Variants in RGL1 observed in about 807,000 individuals in gnomAD.
RGL1 encodes ral guanine nucleotide dissociation stimulator-like 1.
A neutral mutation model predicts 95.2 loss-of-function variants in RGL1; 24 were observed. The ratio of observed to expected loss-of-function variants is 0.25; its 90% CI spans 0.18 to 0.35. The LOEUF (loss-of-function observed/expected upper bound fraction) is 0.35, where lower values mean the gene tolerates loss of function less well. Ranked by LOEUF, RGL1 falls within the 10% of genes least tolerant of loss-of-function variation. The pLI is 1.00. For synonymous variants in RGL1, 329 were observed against 344.9 expected (o/e 0.95, Z 0.51); for missense variants, 715 against 936.3 (o/e 0.76, Z 3.08).
At chr1:183,809,005 C>T (rs529803169) in intron 2 of RGL1, among the ~76,000 whole-genome samples, 1 of 152,256 alleles carries the variant, frequency 6.6e-6, no homozygotes, top group Admixed American at 6.5e-5. Flanking sequence ...ATGTAACTTT[C>T]TTTTCTTCAT....
intron 2 of RGL1, among the ~76,000 whole-genome samples, chr1:183,799,919 G>C (rs1042342137): frequency 6.6e-6 from 1 of 152,176 alleles, no homozygotes; most frequent in African/African-American, 2.4e-5. Context: ...AGAGAGAGGA[G>C]ATACATTTTT....
intron 4 of RGL1, among the ~76,000 whole-genome samples, chr1:183,876,971 A>G (rs1341657175): frequency 1.3e-5 from 2 of 152,212 alleles, no homozygotes; most frequent in African/African-American, 2.4e-5. Flanking sequence ...AGGTATCTCA[A>G]AATGTCCTTA....
chr1:183,654,464 A>T (rs1023881901), intron 1 of RGL1, among the ~76,000 whole-genome samples: 3 of 152,228 alleles, frequency 2.0e-5, no homozygotes, highest in African/African-American at 7.2e-5. Flanking sequence ...ACATTACTTT[A>T]AAAATATTAC....
intron 2 of RGL1, among the ~76,000 whole-genome samples, chr1:183,831,527 G>A (rs1452811435): frequency 6.6e-6 from 1 of 152,136 alleles, no homozygotes; most frequent in African/African-American, 2.4e-5. Context: ...AGATCACCAT[G>A]GATGCCATAA....
intron 1 of RGL1, among the ~76,000 whole-genome samples, chr1:183,726,202 CTA>C (rs998082255): frequency 6.6e-6 from 1 of 151,874 alleles, no homozygotes; most frequent in Admixed American, 6.6e-5. Context: ...GAAGAAAACT[CTA>C]TAAGCAACAG....
chr1:183,685,688 T>C lies in RGL1; in HGVS notation c.-33+49187T>C, dbSNP rs549850135. ...TCTATAACATAATAAGGTAAGCAGCTATAGATAAGTCAAAGCATGGCAAGT... is the reference window on the plus strand; with the variant it reads ...TCTATAACATAATAAGGTAAGCAGCCATAGATAAGTCAAAGCATGGCAAGT... On this transcript the variant is annotated intron_variant, in intron 1 of 18. Transcript: ENST00000304685. 1.5e-4 allele frequency among the ~76,000 whole-genome samples: 23 copies of C among 152,318 alleles called. No homozygotes were observed. The South Asian group carries it at 4.6e-3, about 30-fold the overall frequency.
At chr1:183,748,676 G>A (rs1657806307) in intron 2 of RGL1, among the ~76,000 whole-genome samples, 1 of 152,042 alleles carries the variant, frequency 6.6e-6, no homozygotes, top group Admixed American at 6.6e-5. Flanking sequence ...AAAGTGCTGG[G>A]ATTACAGGCG....
At chr1:183,906,866 A>G (rs902268397) in intron 13 of RGL1, 146 bp from the exon 14 acceptor site, 49 of 629,802 alleles carry the variant, frequency 7.8e-5, no homozygotes, top group Middle Eastern at 5.0e-4. Flanking sequence ...GTACCCCCTG[A>G]CGTTTATGAT....
In RGL1 at chr1:183,721,356, C is replaced by T. The variant is rs149498547; in HGVS notation, c.-32-20770C>T. 3.1e-3 allele frequency among the ~76,000 whole-genome samples: 468 copies of T among 152,294 alleles called. 4 individuals are homozygous for T. Among genetic ancestry groups the T allele is most frequent in the African/African-American group, 0.01 (425 of 41,572 alleles). ...CGTCTAACTCTTATTTTCATTTCCA[C>T]TGCCATTGTTCCACTCCCACTGCCT... On this transcript the variant is annotated intron_variant, in intron 1 of 18. Coordinates refer to the RGL1 transcript ENST00000304685.
chr1:183,921,382 C>T (rs1200957221), intron 16 of RGL1, among the ~76,000 whole-genome samples: 2 of 152,204 alleles, frequency 1.3e-5, no homozygotes, highest in East Asian at 3.9e-4. Flanking sequence ...TGCCAGATTC[C>T]CTGTGCCCTT....
chr1:183,819,826 C>G (rs910259118), intron 2 of RGL1, among the ~76,000 whole-genome samples: 4 of 151,512 alleles, frequency 2.6e-5, no homozygotes, highest in Admixed American at 2.6e-4. Context: ...GTTCTGTCGC[C>G]CAGTCTGGAG....
At chr1:183,858,893 A>G (rs1665334234) in intron 3 of RGL1, among the ~76,000 whole-genome samples, 1 of 152,332 alleles carries the variant, frequency 6.6e-6, no homozygotes, top group South Asian at 2.1e-4. Flanking sequence ...TACTAAACTC[A>G]TATTCATTGT....
chr1:183,727,017 G>A (rs1004094098), intron 1 of RGL1, among the ~76,000 whole-genome samples: 2 of 152,008 alleles, frequency 1.3e-5, no homozygotes, highest in African/African-American at 4.8e-5. Flanking sequence ...TATATGGTCA[G>A]CACTTTTCTG....
At chr1:183,800,960 C>T (rs190987080), upstream of RGL1, among the ~76,000 whole-genome samples, 34 of 152,308 alleles carry the variant, frequency 2.2e-4, 1 homozygote, top group Admixed American at 1.9e-3. Flanking sequence ...GTGCAAGTAT[C>T]GCTTTCAGAT....
At chr1:183,895,410 G>A (rs1045067407) in intron 9 of RGL1, among the ~76,000 whole-genome samples, 6 of 152,070 alleles carry the variant, frequency 3.9e-5, no homozygotes, top group African/African-American at 1.4e-4. Flanking sequence ...GGAAGAGAAG[G>A]GCAGAGGGGG....
chr1:183,849,083 AT>A (rs66545332), intron 3 of RGL1, among the ~76,000 whole-genome samples: 23,902 of 151,994 alleles, frequency 0.16, 2,262 homozygotes, highest in East Asian at 0.28. Flanking sequence ...CATTTAAAAA[AT>A]TTTTTTTTTC....
intron 2 of RGL1, among the ~76,000 whole-genome samples, chr1:183,767,674 C>T (rs919132916): frequency 1.3e-5 from 2 of 152,048 alleles, no homozygotes; most frequent in African/African-American, 2.4e-5. Context: ...AATTGCTGGC[C>T]GGGTATGGTG....
At chr1:183,862,909 G>C (rs1191518837) in intron 3 of RGL1, among the ~76,000 whole-genome samples, 1 of 152,224 alleles carries the variant, frequency 6.6e-6, no homozygotes, top group Non-Finnish European at 1.5e-5. Flanking sequence ...GAACTACACA[G>C]TATATCAGAA....
intron 1 of RGL1, among the ~76,000 whole-genome samples, chr1:183,655,729 CCA>C (rs1443599293): frequency 1.3e-5 from 2 of 152,190 alleles, no homozygotes; most frequent in Non-Finnish European, 2.9e-5. Context: ...TTTGCTAACA[CCA>C]CAGACTTTCT....
Sources: allele counts gnomAD v4.1 joint callset (sites outside exome capture counted in the v4.1 genomes callset), GRCh38; gene constraint gnomAD v4.1.1; transcripts MANE v1.5; gene names NCBI Gene and HGNC (gene_info 2026-07-23, HGNC 2026-07-21).